The following RNFT2 variants were observed in gnomAD, a reference collection of about 807,000 sequenced individuals.
RNFT2 encodes E3 ubiquitin-protein ligase RNFT2.
Under a neutral mutation model 53.0 loss-of-function variants are expected in RNFT2, and 36 were observed. The observed-to-expected ratio is 0.68, with a 90% CI of 0.52 to 0.90. RNFT2 has a LOEUF of 0.90. Among genes scored for constraint, RNFT2 ranks in the 40% least tolerant of loss-of-function variants. The pLI is 0.00. For missense variants in RNFT2, 514 were observed against 585.6 expected, an observed-to-expected ratio of 0.88 and a Z score of 1.26; for synonymous variants, 260 against 253.2, an observed-to-expected ratio of 1.03 and a Z score of -0.26.
At chr12:116,775,279 AGAG>A (rs368226731) in intron 6 of RNFT2, among the ~76,000 whole-genome samples, 3,533 of 128,278 alleles carry the variant, frequency 0.028, 128 homozygotes, top group African/African-American at 0.09. Flanking sequence ...AAAAAAAAAA[AGAG>A]AGAGAGAAGA....
intron 2 of RNFT2, 69 bp from the exon 3 acceptor site, chr12:116,740,967 T>C (rs1462842341): frequency 1.4e-6 from 2 of 1,395,980 alleles, no homozygotes; most frequent in Non-Finnish European, 2.0e-6. Context: ...CAGTTTACAA[T>C]TACCTTGGCA....
At chr12:116,839,581 G>A (rs1479545196) in intron 10 of RNFT2, among the ~76,000 whole-genome samples, 1 of 151,740 alleles carries the variant, frequency 6.6e-6, no homozygotes, top group Non-Finnish European at 1.5e-5. Context: ...AGATGAGTGG[G>A]TAAATAGGAT....
chr12:116,806,972 C>T (rs988705185), intron 7 of RNFT2, among the ~76,000 whole-genome samples: 1 of 152,156 alleles, frequency 6.6e-6, no homozygotes, highest in Non-Finnish European at 1.5e-5. Flanking sequence ...AAGTGTTCCT[C>T]TCCCTTTTTA....
chr12:116,771,460 TAAAAAAAA>T (rs35911608), intron 6 of RNFT2, among the ~76,000 whole-genome samples: 2,732 of 63,994 alleles, frequency 0.043, 184 homozygotes, highest in South Asian at 0.12. Context: ...ATCCTATCGT[TAAAAAAAA>T]AAAAAAAAAA....
chr12:116,849,656 C>A lies in RNFT2; in HGVS notation c.*208C>A. ...TGTGGTATAGTGCGTGCCTCCTTCC[C>A]CTGCAAAAGGGGACGTCTTCCTAAC... On this transcript the variant is annotated 3_prime_UTR_variant, in exon 11 of 11. Transcript: ENST00000257575. 2.3e-6 allele frequency: 3 copies of A among 1,278,454 alleles called. No individual in the cohort carries two copies. Among genetic ancestry groups the A allele is most frequent in the Non-Finnish European group, 3.0e-6 (3 of 1,010,526 alleles). 79.2% of individuals were successfully genotyped at this position (1,278,454 alleles called of 1,614,324 possible). A position where few individuals can be genotyped will look rare whatever the true frequency, so the allele number is the denominator to read the frequency against.
intron 10 of RNFT2, among the ~76,000 whole-genome samples, chr12:116,848,621 C>G (rs1330036065): frequency 6.6e-6 from 1 of 152,170 alleles, no homozygotes; most frequent in Admixed American, 6.5e-5. Flanking sequence ...TCCCGCACAT[C>G]AAACACAGTC....
intron 5 of RNFT2, among the ~76,000 whole-genome samples, chr12:116,765,145 C>T (rs1416693827): frequency 6.6e-6 from 1 of 152,196 alleles, no homozygotes; most frequent in Non-Finnish European, 1.5e-5. Flanking sequence ...TAGGAGAGAA[C>T]TACCTCCTTT....
At chr12:116,835,490 TC>T (rs1876913069) in intron 8 of RNFT2, among the ~76,000 whole-genome samples, 1 of 152,188 alleles carries the variant, frequency 6.6e-6, no homozygotes, top group South Asian at 2.1e-4. Context: ...CTTTAGAGAA[TC>T]CTGGGAGGAT....
chr12:116,771,460 TAA>T (rs35911608), intron 6 of RNFT2, among the ~76,000 whole-genome samples: 1,475 of 64,012 alleles, frequency 0.023, 46 homozygotes, highest in African/African-American at 0.082. Context: ...ATCCTATCGT[TAA>T]AAAAAAAAAA....
intron 5 of RNFT2, among the ~76,000 whole-genome samples, chr12:116,756,539 G>A (rs57921806): frequency 6.6e-6 from 1 of 151,976 alleles, no homozygotes; most frequent in Non-Finnish European, 1.5e-5. Context: ...AATCATAAAG[G>A]GATGCTGGAT....
At chr12:116,826,228 T>G (rs1056917686) in intron 7 of RNFT2, among the ~76,000 whole-genome samples, 2 of 152,160 alleles carry the variant, frequency 1.3e-5, no homozygotes, top group African/African-American at 4.8e-5. Flanking sequence ...TGTTTCCCAT[T>G]TCTCTTATTG....
At chr12:116,739,593 C>T (rs560488717) in intron 1 of RNFT2, among the ~76,000 whole-genome samples, 1 of 152,220 alleles carries the variant, frequency 6.6e-6, no homozygotes, top group Non-Finnish European at 1.5e-5. Flanking sequence ...CCTGCGGGAC[C>T]AAGCCCTGCC....
intron 3 of RNFT2, among the ~76,000 whole-genome samples, chr12:116,746,976 T>C (rs1004281256): frequency 1.3e-5 from 2 of 152,222 alleles, no homozygotes; most frequent in Admixed American, 6.5e-5. Context: ...GCCTTTTGTA[T>C]CTGTGGGTTT....
intron 7 of RNFT2, among the ~76,000 whole-genome samples, chr12:116,797,538 CAAA>C (rs200259830): frequency 7.6e-6 from 1 of 131,100 alleles, no homozygotes. Flanking sequence ...CTGTCTATCT[CAAA>C]AAAAAAAAAA....
intron 7 of RNFT2, among the ~76,000 whole-genome samples, chr12:116,813,592 G>A (rs943976118): frequency 5.3e-5 from 8 of 152,142 alleles, no homozygotes; most frequent in Non-Finnish European, 1.2e-4. Context: ...GTGTTTGCTG[G>A]TTTGTCTCCC....
At chr12:116,740,230 A>C in intron 1 of RNFT2, 115 bp from the exon 2 acceptor site, 15 of 361,718 alleles carry the variant, frequency 4.1e-5, no homozygotes, top group East Asian at 1.4e-4. Context: ...GAGGCTACCC[A>C]GAGATACTGA....
chr12:116,809,264 C>T (rs1875242764), intron 7 of RNFT2, among the ~76,000 whole-genome samples: 2 of 152,132 alleles, frequency 1.3e-5, no homozygotes, highest in African/African-American at 2.4e-5. Flanking sequence ...CAGTCCTCCT[C>T]CATCAGAGGT....
At chr12:116,747,675 G>T (rs1320804337) in intron 3 of RNFT2, among the ~76,000 whole-genome samples, 2 of 152,122 alleles carry the variant, frequency 1.3e-5, no homozygotes, top group African/African-American at 4.8e-5. Flanking sequence ...GTGTGCCCTG[G>T]GTTGTGGGGT....
chr12:116,771,565 C>CT (rs958328541), intron 6 of RNFT2, among the ~76,000 whole-genome samples: 7 of 138,832 alleles, frequency 5.0e-5, no homozygotes, highest in African/African-American at 1.3e-4. Flanking sequence ...GTAATGGACA[C>CT]TTTTTTTTAC....
Sources: gnomAD v4.1 joint callset for allele counts (sites outside exome capture counted in the v4.1 genomes callset) on GRCh38, gnomAD v4.1.1 for gene constraint, MANE v1.5 for transcripts, NCBI Gene and HGNC (gene_info 2026-07-23, HGNC 2026-07-21) for gene names.